LANCL3: variants seen among roughly 807,000 people sequenced by gnomAD.
LANCL3 encodes LanC like family member 3.
Under a neutral mutation model 26.5 loss-of-function variants are expected in LANCL3, and 19 were observed. The ratio of observed to expected loss-of-function variants is 0.72; its 90% CI spans 0.50 to 1.05. The LOEUF (loss-of-function observed/expected upper bound fraction) is 1.05, where lower values mean the gene tolerates loss of function less well. LANCL3 is among the 50% of genes least tolerant of loss of function. The pLI is 0.00. For missense variants in LANCL3, 318 were observed against 362.7 expected, an observed-to-expected ratio of 0.88 and a Z score of 1.00; for synonymous variants, 160 against 166.6, an observed-to-expected ratio of 0.96 and a Z score of 0.30.
chrX:37,572,110 G>A lies in LANCL3; in HGVS notation c.240G>A (p.Ser80=), dbSNP rs782384127. 4.2e-6 allele frequency: 5 copies of A among 1,193,616 alleles called. No homozygotes were observed. The highest frequency in any genetic ancestry group is 5.6e-6 in the Non-Finnish European group (5 of 891,314). ...AGVAYMLYHV[S]QSPLFATARE... is the part of the protein sequence containing the mutation. The stretch of plus-strand genomic sequence containing the variant: ...TGGCGTATATGCTCTACCACGTCTC[G>A]CAGAGCCCGCTTTTCGCCACGGCCC... Residue 80 remains serine, a synonymous_variant, in exon 1 of 5, where the codon TCG becomes TCA. Transcript: ENST00000378619.
In LANCL3 at chrX:37,572,055, A is replaced by AG. The variant is rs782221297; in HGVS notation, c.192dup (p.Leu65AlafsTer33). Reference sequence around the variant, plus strand: ...GCGACGGCGGGGGCTAGCGCCTGCCAGGGGGGGCTTTATGGCGGCGTGGCC... The same window carrying AG: ...GCGACGGCGGGGGCTAGCGCCTGCCAGGGGGGGGCTTTATGGCGGCGTGGCC... On this transcript the variant is annotated frameshift_variant, in exon 1 of 5. Transcript: ENST00000378619. LOFTEE classifies it high-confidence loss of function. 8.5e-6 allele frequency: 10 copies of AG among 1,179,064 alleles called. No homozygotes were observed. The highest frequency in any genetic ancestry group is 5.3e-5 in the African/African-American group (3 of 56,774).
chrX:37,619,848 A>G (rs961865443), intron 1 of LANCL3, among the ~76,000 whole-genome samples: 7 of 111,517 alleles, frequency 6.3e-5, no homozygotes, highest in Non-Finnish European at 1.1e-4. Context: ...CCTTCATTCA[A>G]CCCTCTACTC....
chrX:37,676,243 G>T lies in LANCL3; in HGVS notation c.*430G>T, dbSNP rs190210072. The T allele has an allele frequency of 8.9e-6, 1 of 112,338 alleles. No homozygotes were observed. The highest frequency in any genetic ancestry group is 3.2e-5 in the African/African-American group (1 of 30,871). 9.3% of individuals were successfully genotyped at this position (112,338 alleles called of 1,213,427 possible). ...AAGACAATAAAAAATTAAAATAATT[G>T]CCCAGCTGAAAACTGCTATGAGGAA... On this transcript the variant is annotated 3_prime_UTR_variant, in exon 5 of 5. Coordinates refer to ENST00000378619, the MANE Select transcript of LANCL3 (RefSeq NM_001170331.2).
intron 1 of LANCL3, among the ~76,000 whole-genome samples, chrX:37,651,438 T>G (rs1029375467): frequency 2.7e-5 from 3 of 112,466 alleles, no homozygotes; most frequent in African/African-American, 9.7e-5. Context: ...GTTGGCAATT[T>G]TGTTATTCTT....
At chrX:37,649,157 A>G (rs1317846369) in intron 1 of LANCL3, among the ~76,000 whole-genome samples, 1 of 112,386 alleles carries the variant, frequency 8.9e-6, no homozygotes, top group Non-Finnish European at 1.9e-5. Context: ...ATGCACATGT[A>G]TGTTTATTGC....
chrX:37,582,669 ATTTG>A (rs1169306546), intron 1 of LANCL3, among the ~76,000 whole-genome samples: 4 of 110,666 alleles, frequency 3.6e-5, no homozygotes, highest in African/African-American at 1.3e-4. Context: ...GTTCTTGTAA[ATTTG>A]TTTGAGTAAA....
chrX:37,629,699 A>T (rs1925428076), intron 1 of LANCL3, among the ~76,000 whole-genome samples: 1 of 110,935 alleles, frequency 9.0e-6, no homozygotes, highest in Non-Finnish European at 1.9e-5. Flanking sequence ...CATTTATTAA[A>T]TAGGGAATCC....
chrX:37,600,484 T>G (rs1373158643), intron 1 of LANCL3, among the ~76,000 whole-genome samples: 15 of 111,860 alleles, frequency 1.3e-4, no homozygotes, highest in Non-Finnish European at 7.5e-5. Context: ...ATGAGTCAAA[T>G]ATATTAATTA....
intron 1 of LANCL3, among the ~76,000 whole-genome samples, chrX:37,579,591 C>T (rs1332530454): frequency 1.8e-5 from 2 of 111,362 alleles, no homozygotes; most frequent in Admixed American, 1.9e-4. Flanking sequence ...TGGAATTTTC[C>T]TGGTAGTATT....
intron 1 of LANCL3, among the ~76,000 whole-genome samples, chrX:37,578,980 TAAAAAA>T (rs782094502): frequency 3.7e-5 from 2 of 53,729 alleles, no homozygotes; most frequent in African/African-American, 7.2e-5. Context: ...ACTCCATCTC[TAAAAAA>T]AAAAAAAAAA....
intron 1 of LANCL3, among the ~76,000 whole-genome samples, chrX:37,625,365 C>A (rs1233584142): frequency 9.0e-6 from 1 of 111,568 alleles, no homozygotes; most frequent in Non-Finnish European, 1.9e-5. Context: ...TTACCCAAAG[C>A]ATCTTCTTTT....
chrX:37,623,080 T>A (rs189046570), intron 1 of LANCL3, among the ~76,000 whole-genome samples: 1 of 112,463 alleles, frequency 8.9e-6, no homozygotes, highest in Non-Finnish European at 1.9e-5. Context: ...TTTTTTGTTT[T>A]TAGCTAGGTA....
chrX:37,622,963 T>C (rs781893419), intron 1 of LANCL3, among the ~76,000 whole-genome samples: 10 of 112,519 alleles, frequency 8.9e-5, no homozygotes, highest in African/African-American at 2.6e-4. Flanking sequence ...TAAACACCAC[T>C]TCATTGATTG....
chrX:37,607,918 C>G (rs1425868246), intron 1 of LANCL3, among the ~76,000 whole-genome samples: 2 of 112,237 alleles, frequency 1.8e-5, no homozygotes, highest in Non-Finnish European at 3.8e-5. Flanking sequence ...ATGATTTGGT[C>G]TTGACAGAAA....
chrX:37,605,873 C>G (rs1055712797), intron 1 of LANCL3, among the ~76,000 whole-genome samples: 7 of 111,785 alleles, frequency 6.3e-5, no homozygotes, highest in Non-Finnish European at 9.4e-5. Flanking sequence ...GAACACTGAT[C>G]ACCTTCTAGT....
chrX:37,601,233 C>G (rs1924565967), intron 1 of LANCL3, among the ~76,000 whole-genome samples: 2 of 111,566 alleles, frequency 1.8e-5, no homozygotes, highest in South Asian at 7.6e-4. Context: ...CCACAGCTTT[C>G]CCTTGTAAAT....
intron 1 of LANCL3, among the ~76,000 whole-genome samples, chrX:37,633,677 A>T (rs1232325836): frequency 4.5e-5 from 5 of 111,187 alleles, no homozygotes; most frequent in Non-Finnish European, 9.4e-5. Flanking sequence ...GGTCTGTTGG[A>T]GTTTGCTAGA....
At chrX:37,649,335 T>C (rs1926069023) in intron 1 of LANCL3, among the ~76,000 whole-genome samples, 1 of 111,538 alleles carries the variant, frequency 9.0e-6, no homozygotes, top group East Asian at 2.8e-4. Flanking sequence ...GGCATCATCC[T>C]CAGCAAACTA....
intron 1 of LANCL3, among the ~76,000 whole-genome samples, chrX:37,629,223 T>G (rs1925407353): frequency 9.2e-6 from 1 of 109,091 alleles, no homozygotes. Flanking sequence ...TTTTCATGTG[T>G]TTTTTGGCTG....
Sources: gnomAD v4.1 joint callset for allele counts (sites outside exome capture counted in the v4.1 genomes callset) on GRCh38, gnomAD v4.1.1 for gene constraint, MANE v1.5 for transcripts, NCBI Gene and HGNC (gene_info 2026-07-23, HGNC 2026-07-21) for gene names.